SQSTM1: variants seen among roughly 807,000 people sequenced by gnomAD.
The protein encoded by SQSTM1 is sequestosome 1, also known as sequestosome-1.
SQSTM1 carries 36 observed loss-of-function variants against 45.1 expected under a neutral mutation model. The observed-to-expected ratio is 0.80, with a 90% CI of 0.61 to 1.05. SQSTM1 has a LOEUF of 1.05. Among genes scored for constraint, SQSTM1 ranks in the 50% least tolerant of loss-of-function variants. The pLI is 0.00. For missense variants in SQSTM1, 617 were observed against 607.1 expected, an observed-to-expected ratio of 1.02 and a Z score of -0.17; for synonymous variants, 290 against 244.3, an observed-to-expected ratio of 1.19 and a Z score of -1.74.
chr5:179,817,276 C>G (rs1757612025), upstream of SQSTM1, among the ~76,000 whole-genome samples: 1 of 152,208 alleles, frequency 6.6e-6, no homozygotes, highest in Non-Finnish European at 1.5e-5. Flanking sequence ...TTTCTGGGGA[C>G]CAGGGCTGTG....
At chr5:179,822,469 C>T (rs568309883) in intron 1 of SQSTM1, 39 of 253,144 alleles carry the variant, frequency 1.5e-4, no homozygotes, top group South Asian at 1.3e-3. Flanking sequence ...CATACAAATA[C>T]GTGTCTTTCA....
At chr5:179,835,325 T>C (rs1302275755) in intron 7 of SQSTM1, 169 of 177,258 alleles carry the variant, frequency 9.5e-4, no homozygotes, top group Admixed American at 2.8e-3. Context: ...TTTGGGAGGC[T>C]AAGGCAGGCA....
chr5:179,821,594 G>A (rs914961438), intron 1 of SQSTM1: 1 of 448,462 alleles, frequency 2.2e-6, no homozygotes, highest in South Asian at 1.6e-5. Context: ...GGCGAGCGCC[G>A]GCGAGGGGAG....
upstream of SQSTM1, among the ~76,000 whole-genome samples, chr5:179,818,288 C>G (rs113892507): frequency 2.6e-5 from 4 of 152,220 alleles, no homozygotes; most frequent in South Asian, 2.1e-4. Flanking sequence ...TGGAGGCCCC[C>G]GCACAGACCA....
At chr5:179,807,220 TCTC>T (rs1303853351) in intron 1 of SQSTM1, 7 of 151,718 alleles carry the variant, frequency 4.6e-5, no homozygotes, top group Non-Finnish European at 1.0e-4. Flanking sequence ...CTCAGCAACA[TCTC>T]CTCCGCGCGC....
At chr5:179,826,167 A>ATT (rs1157045878) in intron 5 of SQSTM1, among the ~76,000 whole-genome samples, 12 of 139,682 alleles carry the variant, frequency 8.6e-5, no homozygotes, top group South Asian at 2.3e-4. Context: ...GCTCATTCCG[A>ATT]TTTTTTTTTT....
upstream of SQSTM1, chr5:179,820,053 C>G (rs1757716338): frequency 6.5e-6 from 1 of 152,860 alleles, no homozygotes; most frequent in African/African-American, 2.4e-5. Flanking sequence ...TGCCCCAGTT[C>G]TGGCGGACAG....
chr5:179,836,635 A>T lies in SQSTM1; in HGVS notation c.*42A>T, dbSNP rs1193754701. 1.2e-6 allele frequency: 2 copies of T among 1,613,768 alleles called. No individual in the cohort carries two copies. The highest frequency in any genetic ancestry group is 2.2e-5 in the South Asian group (2 of 91,074). ...CTTCTGCGTGCCCCTCTTCTGTCTCATAGTTGTGTTAAGCTTGCGTAGAAT... is the reference window on the plus strand; with the variant it reads ...CTTCTGCGTGCCCCTCTTCTGTCTCTTAGTTGTGTTAAGCTTGCGTAGAAT... On this transcript the variant is annotated 3_prime_UTR_variant, in exon 8 of 8. Coordinates refer to ENST00000389805, the MANE Select transcript of SQSTM1 (RefSeq NM_003900.5).
chr5:179,830,194 G>T (rs780192832), intron 5 of SQSTM1, among the ~76,000 whole-genome samples: 5 of 152,158 alleles, frequency 3.3e-5, no homozygotes, highest in African/African-American at 7.2e-5. Flanking sequence ...GATTGAAAGC[G>T]GCCCTGACAA....
chr5:179,823,803 A>AG (rs1012696100), intron 2 of SQSTM1, 55 bp from the exon 3 acceptor site: 39 of 1,561,954 alleles, frequency 2.5e-5, no homozygotes, highest in Non-Finnish European at 3.2e-5. Context: ...GTGACGACAG[A>AG]GGGGGAGGAC....
intron 1 of SQSTM1, among the ~76,000 whole-genome samples, chr5:179,822,051 A>G (rs1401859088): frequency 6.6e-6 from 1 of 152,244 alleles, no homozygotes. Flanking sequence ...TTTGTGGACC[A>G]TATTCAGTGT....
At chr5:179,817,979 C>T (rs947212874), upstream of SQSTM1, among the ~76,000 whole-genome samples, 6 of 125,068 alleles carry the variant, frequency 4.8e-5, no homozygotes, top group African/African-American at 9.1e-5. Flanking sequence ...CGTGCCACTG[C>T]ACTTCAGCCT....
At chr5:179,815,814 C>A (rs553894160), upstream of SQSTM1, among the ~76,000 whole-genome samples, 4 of 152,248 alleles carry the variant, frequency 2.6e-5, no homozygotes, top group East Asian at 7.7e-4. Context: ...CACAGATGAC[C>A]CCACGCCTTC....
At chr5:179,809,905 A>G (rs986032703) in intron 1 of SQSTM1, among the ~76,000 whole-genome samples, 17 of 150,694 alleles carry the variant, frequency 1.1e-4, no homozygotes, top group African/African-American at 4.2e-4. Flanking sequence ...CAGCCTCCCA[A>G]AGTGCTGGGA....
upstream of SQSTM1, among the ~76,000 whole-genome samples, chr5:179,816,458 T>C (rs1377307317): frequency 6.6e-6 from 1 of 151,946 alleles, no homozygotes; most frequent in African/African-American, 2.4e-5. Flanking sequence ...TTCCAGAAGG[T>C]TTTCGATGGC....
intron 1 of SQSTM1, 95 bp downstream of exon 1, chr5:179,821,236 G>A: frequency 8.3e-7 from 1 of 1,211,684 alleles, no homozygotes; most frequent in Non-Finnish European, 1.1e-6. Flanking sequence ...GCGACGCCTG[G>A]CGGGCCGTGA....
chr5:179,810,833 A>T (rs1456550748), intron 1 of SQSTM1, among the ~76,000 whole-genome samples: 1 of 151,986 alleles, frequency 6.6e-6, no homozygotes, highest in Non-Finnish European at 1.5e-5. Context: ...TGCTATCTCA[A>T]TGTGGTTTTG....
intron 2 of SQSTM1, 57 bp downstream of exon 2, chr5:179,823,110 G>T: frequency 1.3e-6 from 2 of 1,503,980 alleles, no homozygotes; most frequent in Non-Finnish European, 1.8e-6. Flanking sequence ...TCAGTTCCCT[G>T]CTGAGTAAAA....
At position 179,824,074 on chromosome 5, in the gene SQSTM1, G is replaced by A. The variant is rs762352281; in HGVS notation, c.518G>A (p.Gly173Glu). 6.2e-7 allele frequency: 1 copy of A among 1,613,898 alleles called. No homozygotes were observed. Among genetic ancestry groups the A allele is most frequent in the East Asian group, 2.2e-5 (1 of 44,882 alleles). Reference sequence around the variant, plus strand: ...AAGCTCGCATTCCCCAGCCCCTTCGGGCACCTGTCTGAGGTGAGCAGGCCC... The same window carrying A: ...AAGCTCGCATTCCCCAGCCCCTTCGAGCACCTGTCTGAGGTGAGCAGGCCC... Reference protein sequence around the residue: ...HTKLAFPSPFGHLSEGFSHSR... With the variant: ...HTKLAFPSPFEHLSEGFSHSR... Residue 173 changes from glycine to glutamate, a missense_variant, in exon 3 of 8, where the codon GGG becomes GAG. By Grantham distance (98) the Gly-to-Glu change is moderately conservative. Coordinates refer to ENST00000389805, the MANE Select transcript of SQSTM1 (RefSeq NM_003900.5).
Sources: allele counts gnomAD v4.1 joint callset (sites outside exome capture counted in the v4.1 genomes callset), GRCh38; gene constraint gnomAD v4.1.1; transcripts MANE v1.5; gene names NCBI Gene and HGNC (gene_info 2026-07-23, HGNC 2026-07-21).